CAMK2B: variants seen among roughly 807,000 people sequenced by gnomAD.
CAMK2B encodes calcium/calmodulin dependent protein kinase II beta.
CAMK2B carries 27 observed loss-of-function variants against 93.7 expected under a neutral mutation model. The observed-to-expected ratio is 0.29, with a 90% CI of 0.21 to 0.40. CAMK2B has a LOEUF of 0.40. Ranked by LOEUF, CAMK2B falls within the 10% of genes least tolerant of loss-of-function variation. The pLI, the probability that CAMK2B is intolerant of heterozygous loss-of-function variation, is 1.00. For missense variants in CAMK2B, 568 were observed against 895.8 expected, an observed-to-expected ratio of 0.63 and a Z score of 4.67; for synonymous variants, 374 against 358.8, an observed-to-expected ratio of 1.04 and a Z score of -0.48.
At chr7:44,288,006 G>A (rs1785607880) in intron 1 of CAMK2B, among the ~76,000 whole-genome samples, 1 of 152,248 alleles carries the variant, frequency 6.6e-6, no homozygotes, top group South Asian at 2.1e-4. Context: ...AAGCAACACA[G>A]TGGGCTGTGG....
rs753686076 is a variant in CAMK2B at position 44,262,985 on chromosome 7, C to T, written c.220+20G>A. On this transcript the variant is annotated intron_variant, in intron 3 of 23. Coordinates refer to ENST00000395749, the MANE Select transcript of CAMK2B (RefSeq NM_001220.5). ...GAGAAGGTGGGGACCCATCCCCGCT[C>T]CCTACCCCAGGCTGCTCACCGATGT... is the stretch of plus-strand genomic sequence containing the variant. 2 of 1,609,808 alleles carry T rather than the reference C, an allele frequency of 1.2e-6. No homozygotes were observed. Among genetic ancestry groups the T allele is most frequent in the East Asian group, 2.2e-5 (1 of 44,818 alleles).
rs369760540 is a variant in CAMK2B at position 44,254,499 on chromosome 7, A to T, written c.341+43T>A. 4.9e-5 allele frequency: 70 copies of T among 1,437,022 alleles called. 1 individual carries two copies. The highest frequency in any genetic ancestry group is 6.5e-5 in the Non-Finnish European group (66 of 1,019,294). 89.0% of individuals were successfully genotyped at this position (1,437,022 alleles called of 1,614,324 possible). On this transcript the variant is annotated intron_variant, in intron 5 of 23. Transcript: ENST00000395749. ...TGGGTGAAGGAGGGATGGTGAGGGT[A>T]TAAAGGAAGAGGGACAGGACAGCGT...
In CAMK2B at chr7:44,271,692, C is replaced by T; in HGVS notation, c.161-8628G>A. On this transcript the variant is annotated intron_variant, in intron 2 of 23. Coordinates refer to ENST00000395749, the MANE Select transcript of CAMK2B (RefSeq NM_001220.5). The surrounding 1 kb of genome is among the most constrained non-coding windows in gnomAD (Gnocchi z 4.2). The stretch of plus-strand genomic sequence containing the variant: ...AGTGGCTTCCAGCAGCCCCTCTCCT[C>T]TGACTCTCCTCCCTGGCTGGTAAAT... Among the ~76,000 whole-genome samples the T allele has an allele frequency of 6.6e-6, 1 of 152,234 alleles. No individual in the cohort carries two copies. The highest frequency in any genetic ancestry group is 1.9e-4 in the East Asian group (1 of 5,204).
At chr7:44,246,816 C>A (rs923861908) in intron 6 of CAMK2B, among the ~76,000 whole-genome samples, 4 of 152,164 alleles carry the variant, frequency 2.6e-5, no homozygotes, top group African/African-American at 9.7e-5. Flanking sequence ...TGCACATGCA[C>A]ACACATACTT....
intron 2 of CAMK2B, among the ~76,000 whole-genome samples, chr7:44,281,618 C>T (rs148479230): frequency 3.9e-5 from 6 of 152,278 alleles, no homozygotes; most frequent in Non-Finnish European, 5.9e-5. Flanking sequence ...CCTCTGCTCC[C>T]GGCGACATCT....
chr7:44,233,124 G>C (rs1324195187), intron 15 of CAMK2B, among the ~76,000 whole-genome samples: 1 of 152,122 alleles, frequency 6.6e-6, no homozygotes, highest in East Asian at 1.9e-4. Flanking sequence ...TCCAGGGTGG[G>C]AGATGGACCG....
At chr7:44,293,616 T>C (rs1469716074) in intron 1 of CAMK2B, among the ~76,000 whole-genome samples, 1 of 152,212 alleles carries the variant, frequency 6.6e-6, no homozygotes, top group African/African-American at 2.4e-5. Context: ...CTGTTTCACC[T>C]AAGATTATCA....
intron 1 of CAMK2B, among the ~76,000 whole-genome samples, chr7:44,285,884 C>CG (rs1375551261): frequency 0.011 from 280 of 26,578 alleles, 3 homozygotes; most frequent in African/African-American, 0.047. Context: ...GGGGGCGCGG[C>CG]GGGGGGGCAC....
At chr7:44,301,286 C>T (rs1409835234) in intron 1 of CAMK2B, among the ~76,000 whole-genome samples, 2 of 152,076 alleles carry the variant, frequency 1.3e-5, no homozygotes, top group East Asian at 3.8e-4. Flanking sequence ...CACCACCATG[C>T]CCTGTGATGT....
chr7:44,262,894 G>T, intron 3 of CAMK2B, 111 bp downstream of exon 3: 1 of 941,770 alleles, frequency 1.1e-6, no homozygotes. Flanking sequence ...CAACAGAGAA[G>T]AAAAGGAAGT....
At chr7:44,267,608 C>T (rs569530826) in intron 2 of CAMK2B, among the ~76,000 whole-genome samples, 9 of 152,218 alleles carry the variant, frequency 5.9e-5, no homozygotes, top group South Asian at 2.1e-4. Context: ...TCTACACATG[C>T]GCACACGTGT....
At chr7:44,317,248 G>GAAAAAAAAA (rs556397526) in intron 1 of CAMK2B, among the ~76,000 whole-genome samples, 1 of 105,136 alleles carries the variant, frequency 9.5e-6, no homozygotes. Flanking sequence ...CAGGAAAAAT[G>GAAAAAAAAA]AAAAAAAAAA....
intron 8 of CAMK2B, among the ~76,000 whole-genome samples, chr7:44,242,908 G>C (rs1218390910): frequency 1.3e-5 from 2 of 152,174 alleles, no homozygotes; most frequent in Non-Finnish European, 2.9e-5. Flanking sequence ...CCACCTCTGT[G>C]GGAGGAGACC....
intron 2 of CAMK2B, among the ~76,000 whole-genome samples, chr7:44,273,199 G>A (rs1359297074): frequency 6.6e-6 from 1 of 152,142 alleles, no homozygotes; most frequent in Non-Finnish European, 1.5e-5. Context: ...AACTGCCTCT[G>A]GTGGGAACCA....
At position 44,234,395 on chromosome 7, in the gene CAMK2B, C is replaced by T. The variant is rs779826525; in HGVS notation, c.1126G>A (p.Ala376Thr). ...GAATTTGAGGAGCTCAGTACCAGGG[C>T]GGCAGGAGGAAGCGTCCCTTTGGGG... is the stretch of plus-strand genomic sequence containing the variant. ...TSPKGTLPPA[A>T]LEPQTTVIHN... Residue 376 changes from alanine (A) to threonine (T), a missense_variant, in exon 15 of 24, where the codon GCC (alanine) becomes ACC (threonine). By Grantham distance (58) the Ala-to-Thr change is moderately conservative. Coordinates refer to ENST00000395749, the MANE Select transcript of CAMK2B (RefSeq NM_001220.5). 22 of 1,523,818 alleles carry T rather than the reference C, an allele frequency of 1.4e-5. No homozygotes were observed. The highest frequency in any genetic ancestry group is 9.7e-5 in the African/African-American group (7 of 71,844). The allele number at this position is 1,523,818 out of a possible 1,614,324, so 94.4% of individuals were successfully genotyped here.
At chr7:44,283,756 CACCTTGAACCTCT>C (rs1784343214) in intron 2 of CAMK2B, among the ~76,000 whole-genome samples, 1 of 152,258 alleles carries the variant, frequency 6.6e-6, no homozygotes. Context: ...GCGGCCTGGC[CACCTTGAACCTCT>C]TCCCCTCCAG....
chr7:44,291,423 C>A (rs987016512), intron 1 of CAMK2B, among the ~76,000 whole-genome samples: 1 of 152,176 alleles, frequency 6.6e-6, no homozygotes, highest in Non-Finnish European at 1.5e-5. Flanking sequence ...GTGTCGTCCA[C>A]TCCTGCCCAG....
intron 1 of CAMK2B, among the ~76,000 whole-genome samples, chr7:44,322,922 G>A (rs1796473564): frequency 6.6e-6 from 1 of 152,210 alleles, no homozygotes. Flanking sequence ...GTCCACCTGG[G>A]GCCAGGAAGC....
rs564753839 is a variant in CAMK2B, at chr7:44,273,843, C to A, written c.160+10288G>T. Among the ~76,000 whole-genome samples, 7 of 152,334 alleles carry A rather than the reference C, an allele frequency of 4.6e-5. No individual in the cohort carries two copies. The East Asian group carries it at 9.6e-4, about 21-fold the overall frequency. Reference sequence around the variant, plus strand: ...GCTGCCCGGAGGTTCCCACTCATCCCTGAGCAGATGCCTGGGGACCCAACC... The same window carrying A: ...GCTGCCCGGAGGTTCCCACTCATCCATGAGCAGATGCCTGGGGACCCAACC... On this transcript the variant is annotated intron_variant, in intron 2 of 23. Transcript: ENST00000395749.
Sources: gnomAD v4.1 joint callset for allele counts (sites outside exome capture counted in the v4.1 genomes callset) on GRCh38, gnomAD v4.1.1 for gene constraint, Gnocchi (gnomAD v3.1) non-coding constraint, MANE v1.5 for transcripts, NCBI Gene and HGNC (gene_info 2026-07-23, HGNC 2026-07-21) for gene names.